The following ASPRV1 variants were observed in gnomAD, a reference collection of about 807,000 sequenced individuals.
ASPRV1 encodes the protein retroviral-like aspartic protease 1.
ASPRV1 carries 7 observed loss-of-function variants against 11.0 expected under a neutral mutation model. That is an observed-to-expected ratio of 0.64 (90% confidence interval 0.36 to 1.20). The LOEUF (loss-of-function observed/expected upper bound fraction) is 1.20, where lower values mean the gene tolerates loss of function less well. Ranked by LOEUF, ASPRV1 falls within the 50% of genes most tolerant of loss-of-function variation. The pLI is 0.02. For missense variants in ASPRV1, 299 were observed against 320.0 expected (o/e 0.93, Z 0.50); for synonymous variants, 136 against 138.4 (o/e 0.98, Z 0.12).
chr2:69,989,521 C>T, the ASPRV1 span, among the ~76,000 whole-genome samples: 4 of 152,168 alleles, frequency 2.6e-5, no homozygotes, highest in Admixed American at 6.5e-5. Context: ...GGCCCTGGGG[C>T]GGGTCCCTGA....
chr2:69,988,960 C>A, the ASPRV1 span: 1 of 325,274 alleles, frequency 3.1e-6, no homozygotes, highest in Non-Finnish European at 6.2e-6. Context: ...TTTTATTTGA[C>A]AAAAAGGCTG....
At chr2:70,021,419 C>T in the ASPRV1 span, among the ~76,000 whole-genome samples, 11 of 150,072 alleles carry the variant, frequency 7.3e-5, no homozygotes, top group African/African-American at 2.5e-4. Context: ...TCCGGGTTCA[C>T]GACATTCTCC....
the ASPRV1 span, among the ~76,000 whole-genome samples, chr2:70,076,464 A>G: frequency 6.6e-6 from 1 of 152,246 alleles, no homozygotes; most frequent in South Asian, 2.1e-4. Flanking sequence ...TGTGCCAAGC[A>G]CTATGCTAAG....
At chr2:70,074,732 C>G in the ASPRV1 span, among the ~76,000 whole-genome samples, 3 of 151,976 alleles carry the variant, frequency 2.0e-5, no homozygotes, top group South Asian at 4.1e-4. Context: ...AAAAACAGAG[C>G]TGGCCCTACT....
At chr2:70,013,630 C>T in the ASPRV1 span, among the ~76,000 whole-genome samples, 1 of 152,198 alleles carries the variant, frequency 6.6e-6, no homozygotes, top group Non-Finnish European at 1.5e-5. Context: ...TGGCTCATGC[C>T]CGTAATCCCA....
At chr2:70,001,442 C>T in the ASPRV1 span, among the ~76,000 whole-genome samples, 385 of 151,754 alleles carry the variant, frequency 2.5e-3, 13 homozygotes, top group East Asian at 0.068. Context: ...AGCAGTAGAT[C>T]CCCTTCTACT....
At chr2:69,967,053 A>G in the ASPRV1 span, among the ~76,000 whole-genome samples, 29 of 152,354 alleles carry the variant, frequency 1.9e-4, no homozygotes, top group East Asian at 4.4e-3. Flanking sequence ...GCCAGACACC[A>G]TGCTCGTGGC....
the ASPRV1 span, among the ~76,000 whole-genome samples, chr2:69,984,125 A>G: frequency 2.6e-5 from 4 of 151,950 alleles, no homozygotes; most frequent in African/African-American, 7.3e-5. Flanking sequence ...TGAAACTTCC[A>G]CCTCCCAGGT....
chr2:70,035,396 T>C, the ASPRV1 span, among the ~76,000 whole-genome samples: 1 of 152,074 alleles, frequency 6.6e-6, no homozygotes, highest in East Asian at 1.9e-4. Flanking sequence ...CTGAGCAATA[T>C]GACTTGTCCC....
chr2:70,042,759 G>A, the ASPRV1 span, among the ~76,000 whole-genome samples: 3,752 of 152,234 alleles, frequency 0.025, 144 homozygotes, highest in African/African-American at 0.084. Context: ...AAGTAGTGCT[G>A]ATTCCATTAA....
At chr2:69,969,243 T>A in the ASPRV1 span, among the ~76,000 whole-genome samples, 1 of 152,116 alleles carries the variant, frequency 6.6e-6, no homozygotes, top group South Asian at 2.1e-4. Flanking sequence ...CCTTTCTAAT[T>A]TGCACACGGT....
chr2:70,029,328 G>C, the ASPRV1 span, among the ~76,000 whole-genome samples: 1 of 151,368 alleles, frequency 6.6e-6, no homozygotes, highest in East Asian at 1.9e-4. Flanking sequence ...AAAGACATTG[G>C]CAATAAAAAC....
the ASPRV1 span, chr2:70,048,553 A>T: frequency 6.6e-6 from 1 of 152,494 alleles, no homozygotes; most frequent in Non-Finnish European, 1.5e-5. Context: ...ATGCACAGCC[A>T]GCACAGTAGG....
the ASPRV1 span, among the ~76,000 whole-genome samples, chr2:70,012,585 A>C: frequency 1.3e-5 from 2 of 152,232 alleles, no homozygotes; most frequent in African/African-American, 4.8e-5. Flanking sequence ...AAGAGGCACC[A>C]AACTGCACCA....
the ASPRV1 span, among the ~76,000 whole-genome samples, chr2:70,004,839 T>C: frequency 6.6e-6 from 1 of 152,154 alleles, no homozygotes; most frequent in East Asian, 1.9e-4. Flanking sequence ...TGAATTGATG[T>C]CACTGGTCCC....
chr2:70,080,042 A>G, the ASPRV1 span, among the ~76,000 whole-genome samples: 1 of 152,162 alleles, frequency 6.6e-6, no homozygotes, highest in South Asian at 2.1e-4. Context: ...AGTTATTTAA[A>G]TGTATTTTTT....
At chr2:70,076,260 C>T in the ASPRV1 span, among the ~76,000 whole-genome samples, 3 of 152,170 alleles carry the variant, frequency 2.0e-5, no homozygotes, top group Non-Finnish European at 4.4e-5. Context: ...GGTGATGCAG[C>T]GTAATGGTTA....
At position 69,961,286 on chromosome 2, in the gene ASPRV1, G is replaced by A; in HGVS notation, c.151C>T (p.Leu51=). 6.2e-7 allele frequency: 1 copy of A among 1,614,168 alleles called. No individual in the cohort carries two copies. ...DLNHWDHITK[L]RFLKESLRGE... ...CTGAGGGACTCTTTCAGGAACCTTA[G>A]CTTGGTGATATGGTCCCAATGGTTG... is the stretch of plus-strand genomic sequence containing the variant. The change falls in exon 1 of 1, where the codon CTA becomes TTA. Residue 51 remains leucine, a synonymous_variant. Coordinates refer to ENST00000320256, the MANE Select transcript of ASPRV1 (RefSeq NM_152792.4).
the ASPRV1 span, among the ~76,000 whole-genome samples, chr2:70,080,679 C>A: frequency 4.6e-5 from 7 of 152,154 alleles, no homozygotes; most frequent in East Asian, 1.3e-3. Context: ...TAAAATAAAG[C>A]CTTTAACTTT....
Sources: allele counts gnomAD v4.1 joint callset (sites outside exome capture counted in the v4.1 genomes callset), GRCh38; gene constraint gnomAD v4.1.1; transcripts MANE v1.5; gene names NCBI Gene and HGNC (gene_info 2026-07-23, HGNC 2026-07-21).